GALNT13: variants seen among roughly 807,000 people sequenced by gnomAD.
The protein encoded by GALNT13 is UDP-GalNAc:polypeptide N-acetylgalactosaminyltransferase 13.
GALNT13 carries 28 observed loss-of-function variants against 64.2 expected under a neutral mutation model. That is an observed-to-expected ratio of 0.44 (90% CI 0.32 to 0.60). GALNT13 has a LOEUF of 0.60. GALNT13 is among the 20% of genes least tolerant of loss of function. The probability of loss-of-function intolerance (pLI) is 0.05; values close to 1 mark genes in which losing one functional copy is unlikely to be tolerated. For synonymous variants in GALNT13, 214 were observed against 224.6 expected (o/e 0.95, Z 0.42); for missense variants, 577 against 669.8 (o/e 0.86, Z 1.53).
At chr2:153,584,471 C>A in the GALNT13 span, among the ~76,000 whole-genome samples, 1 of 152,214 alleles carries the variant, frequency 6.6e-6, no homozygotes, top group Admixed American at 6.5e-5. Flanking sequence ...CAGCCACTTG[C>A]AACCATTGCT....
intron 3 of GALNT13, among the ~76,000 whole-genome samples, chr2:154,036,714 C>G (rs980363386): frequency 6.6e-6 from 1 of 152,014 alleles, no homozygotes; most frequent in African/African-American, 2.4e-5. Context: ...CCTCTACAAC[C>G]TAACAAATAT....
intron 9 of GALNT13, among the ~76,000 whole-genome samples, chr2:154,374,759 C>T (rs1353420162): frequency 6.6e-6 from 1 of 152,136 alleles, no homozygotes; most frequent in African/African-American, 2.4e-5. Context: ...TTTGAACTGA[C>T]AAACCCAGCT....
chr2:153,119,202 C>A, the GALNT13 span, among the ~76,000 whole-genome samples: 1 of 152,048 alleles, frequency 6.6e-6, no homozygotes, highest in Non-Finnish European at 1.5e-5. Context: ...TTGGGTATGT[C>A]TTTATGAGCA....
chr2:153,132,050 G>A, the GALNT13 span, among the ~76,000 whole-genome samples: 2 of 152,172 alleles, frequency 1.3e-5, no homozygotes, highest in Non-Finnish European at 2.9e-5. Flanking sequence ...CAAGGACACA[G>A]CAGCTGAGAC....
At chr2:153,181,424 A>G in the GALNT13 span, among the ~76,000 whole-genome samples, 1 of 151,284 alleles carries the variant, frequency 6.6e-6, no homozygotes, top group Non-Finnish European at 1.5e-5. Context: ...TTGTGGCCTA[A>G]CATAAGATCT....
chr2:153,750,570 GAATTTTA>G, the GALNT13 span, among the ~76,000 whole-genome samples: 2 of 151,600 alleles, frequency 1.3e-5, no homozygotes, highest in African/African-American at 4.8e-5. Flanking sequence ...ATGTGTCTAG[GAATTTTA>G]CCATTTCTTC....
At chr2:153,263,060 C>T in the GALNT13 span, among the ~76,000 whole-genome samples, 1 of 151,906 alleles carries the variant, frequency 6.6e-6, no homozygotes, top group Admixed American at 6.6e-5. Context: ...TCATCTCAAC[C>T]CCAAATCTTC....
At chr2:153,184,540 T>G in the GALNT13 span, among the ~76,000 whole-genome samples, 41 of 152,310 alleles carry the variant, frequency 2.7e-4, no homozygotes, top group African/African-American at 9.1e-4. Flanking sequence ...GGCATCCTTG[T>G]GCTAGTTTTC....
intron 3 of GALNT13, among the ~76,000 whole-genome samples, chr2:154,122,435 C>T (rs1158223079): frequency 6.6e-6 from 1 of 151,870 alleles, no homozygotes; most frequent in Non-Finnish European, 1.5e-5. Flanking sequence ...GTAATGCTGG[C>T]ATCATAAAAT....
the GALNT13 span, among the ~76,000 whole-genome samples, chr2:153,650,563 T>C: frequency 1.3e-3 from 191 of 152,344 alleles, 2 homozygotes; most frequent in Non-Finnish European, 1.2e-3. Flanking sequence ...CTAGCACTGA[T>C]GGTCTTTACA....
chr2:153,481,663 C>T, the GALNT13 span, among the ~76,000 whole-genome samples: 1 of 152,092 alleles, frequency 6.6e-6, no homozygotes, highest in Admixed American at 6.5e-5. Flanking sequence ...ATACATGTTA[C>T]ACAAGGACAG....
chr2:154,012,809 T>A (rs1696738766), intron 3 of GALNT13, among the ~76,000 whole-genome samples: 1 of 152,138 alleles, frequency 6.6e-6, no homozygotes, highest in East Asian at 1.9e-4. Flanking sequence ...AGAACTAGTC[T>A]TTGAGCTCTC....
chr2:153,581,865 T>C, the GALNT13 span, among the ~76,000 whole-genome samples: 2 of 152,128 alleles, frequency 1.3e-5, no homozygotes, highest in Non-Finnish European at 2.9e-5. Context: ...ACTACATTTA[T>C]TTCTTTTCTT....
At chr2:153,095,707 AT>A in the GALNT13 span, among the ~76,000 whole-genome samples, 12 of 152,320 alleles carry the variant, frequency 7.9e-5, no homozygotes, top group South Asian at 6.2e-4. Context: ...CTATGCAGCC[AT>A]TAAAAAGGAT....
chr2:154,037,800 A>G (rs1698750130), intron 3 of GALNT13, among the ~76,000 whole-genome samples: 1 of 152,166 alleles, frequency 6.6e-6, no homozygotes, highest in Non-Finnish European at 1.5e-5. Context: ...ACATTTTACC[A>G]AGGAGGTGAA....
chr2:153,445,028 C>G, the GALNT13 span, among the ~76,000 whole-genome samples: 48 of 152,246 alleles, frequency 3.2e-4, no homozygotes, highest in African/African-American at 1.1e-3. Context: ...GAAGTGAGTT[C>G]CTATTACTCA....
the GALNT13 span, among the ~76,000 whole-genome samples, chr2:153,727,662 T>C: frequency 6.6e-6 from 1 of 152,224 alleles, no homozygotes; most frequent in Admixed American, 6.5e-5. Flanking sequence ...ATTTTGGGTG[T>C]ATAAAACAAT....
At chr2:154,225,631 A>T (rs1688577162) in intron 4 of GALNT13, among the ~76,000 whole-genome samples, 1 of 152,134 alleles carries the variant, frequency 6.6e-6, no homozygotes, top group East Asian at 1.9e-4. Flanking sequence ...TTTGCTGAAA[A>T]TCACAGACAA....
the GALNT13 span, among the ~76,000 whole-genome samples, chr2:153,504,029 T>C: frequency 4.6e-5 from 7 of 152,230 alleles, no homozygotes; most frequent in African/African-American, 1.7e-4. Context: ...GGGATGTGTT[T>C]CCATTTGTTT....
Sources: gnomAD v4.1 joint callset for allele counts (sites outside exome capture counted in the v4.1 genomes callset) on GRCh38, gnomAD v4.1.1 for gene constraint, MANE v1.5 for transcripts, NCBI Gene and HGNC (gene_info 2026-07-23, HGNC 2026-07-21) for gene names.